Variants in ADAM22 observed in about 807,000 individuals in gnomAD.
The protein encoded by ADAM22 is ADAM metallopeptidase domain 22.
ADAM22 carries 65 observed loss-of-function variants against 144.6 expected under a neutral mutation model. The observed-to-expected ratio is 0.45, with a 90% confidence interval of 0.37 to 0.55. The LOEUF (loss-of-function observed/expected upper bound fraction) is 0.55, where lower values mean the gene tolerates loss of function less well. ADAM22 is among the 20% of genes least tolerant of loss of function. The pLI is 0.00. For missense variants in ADAM22, 974 were observed against 1,184.9 expected (o/e 0.82, Z 2.61); for synonymous variants, 391 against 412.6 (o/e 0.95, Z 0.63).
chr7:88,081,220 A>G (rs1220346299), intron 4 of ADAM22, among the ~76,000 whole-genome samples: 1 of 152,190 alleles, frequency 6.6e-6, no homozygotes, highest in Non-Finnish European at 1.5e-5. Flanking sequence ...CAGCATATAG[A>G]CAGAACCAAA....
chr7:88,129,886 T>C (rs1337136783), intron 9 of ADAM22, among the ~76,000 whole-genome samples: 1 of 152,226 alleles, frequency 6.6e-6, no homozygotes, highest in Non-Finnish European at 1.5e-5. Flanking sequence ...ACCAAAGATA[T>C]ATGTGATCCA....
At chr7:88,058,694 C>G (rs1299386027) in intron 3 of ADAM22, among the ~76,000 whole-genome samples, 1 of 152,100 alleles carries the variant, frequency 6.6e-6, no homozygotes, top group African/African-American at 2.4e-5. Flanking sequence ...CTTCCTTTCA[C>G]CAGTAGTTGG....
intron 4 of ADAM22, among the ~76,000 whole-genome samples, chr7:88,102,932 G>GT (rs1485531997): frequency 1.3e-5 from 2 of 152,140 alleles, no homozygotes; most frequent in East Asian, 1.9e-4. Flanking sequence ...ATTCAGGGAG[G>GT]TTTTCTCTCC....
chr7:87,954,736 G>A (rs1454127007), intron 2 of ADAM22, among the ~76,000 whole-genome samples: 1 of 152,174 alleles, frequency 6.6e-6, no homozygotes, highest in Non-Finnish European at 1.5e-5. Flanking sequence ...CCTGCAGAGT[G>A]TTTTCCAACT....
At chr7:88,017,555 A>G (rs1352489206) in intron 3 of ADAM22, among the ~76,000 whole-genome samples, 1 of 152,132 alleles carries the variant, frequency 6.6e-6, no homozygotes, top group Non-Finnish European at 1.5e-5. Flanking sequence ...GTTTTCACCT[A>G]GGGCTGGCAC....
intron 9 of ADAM22, 77 bp downstream of exon 9, chr7:88,128,753 A>C: frequency 8.5e-7 from 1 of 1,182,052 alleles, no homozygotes; most frequent in South Asian, 1.4e-5. Context: ...TTTAGAAAAA[A>C]CAAGAAGCCC....
intron 3 of ADAM22, among the ~76,000 whole-genome samples, chr7:88,038,556 G>A (rs934395267): frequency 2.0e-5 from 3 of 150,596 alleles, no homozygotes; most frequent in African/African-American, 4.9e-5. Flanking sequence ...CCGGGTTCAC[G>A]CCATTCTCCT....
At chr7:87,943,719 C>T (rs919800305) in intron 2 of ADAM22, among the ~76,000 whole-genome samples, 4 of 152,032 alleles carry the variant, frequency 2.6e-5, no homozygotes, top group East Asian at 1.9e-4. Flanking sequence ...GAAATATCAG[C>T]GGTTCTAACT....
intron 3 of ADAM22, among the ~76,000 whole-genome samples, chr7:88,025,435 G>T (rs1259916822): frequency 6.6e-6 from 1 of 151,834 alleles, no homozygotes; most frequent in Non-Finnish European, 1.5e-5. Context: ...GGTATTACTG[G>T]TATTGCTCAC....
intron 31 of ADAM22, among the ~76,000 whole-genome samples, chr7:88,194,755 C>A (rs959000766): frequency 6.6e-6 from 1 of 152,066 alleles, no homozygotes; most frequent in African/African-American, 2.4e-5. Context: ...TCCCTTTAGC[C>A]CTCCAGACCA....
At chr7:87,982,699 A>ATAC (rs10527361) in intron 3 of ADAM22, among the ~76,000 whole-genome samples, 3 of 62,960 alleles carry the variant, frequency 4.8e-5, no homozygotes, top group African/African-American at 2.3e-4. Flanking sequence ...ATATATATAT[A>ATAC]ATTTTTTTTT....
intron 3 of ADAM22, among the ~76,000 whole-genome samples, chr7:88,053,576 A>G (rs1199673901): frequency 4.1e-5 from 5 of 121,502 alleles, no homozygotes; most frequent in East Asian, 2.9e-4. Flanking sequence ...AGGAAGGAGG[A>G]AAGGAAGGAA....
At chr7:88,025,140 A>G (rs1195430672) in intron 3 of ADAM22, among the ~76,000 whole-genome samples, 2 of 152,170 alleles carry the variant, frequency 1.3e-5, no homozygotes, top group Non-Finnish European at 2.9e-5. Flanking sequence ...GACTTCCACA[A>G]TGGTTGAACT....
intron 4 of ADAM22, 35 bp downstream of exon 4, chr7:88,075,727 T>A (rs1350814128): frequency 6.8e-7 from 1 of 1,473,266 alleles, no homozygotes. Context: ...GGGAAATTTG[T>A]TGAGAATCTT....
intron 3 of ADAM22, among the ~76,000 whole-genome samples, chr7:88,032,400 G>A (rs998262182): frequency 2.8e-4 from 42 of 152,334 alleles, no homozygotes; most frequent in African/African-American, 1.0e-3. Flanking sequence ...TAGCCCCTTG[G>A]TTTTGGCCAA....
intron 26 of ADAM22, among the ~76,000 whole-genome samples, chr7:88,173,860 G>C (rs1844962129): frequency 6.6e-6 from 1 of 152,074 alleles, no homozygotes; most frequent in Admixed American, 6.6e-5. Context: ...ATTAGCATGT[G>C]GTCTTGGAAG....
intron 3 of ADAM22, among the ~76,000 whole-genome samples, chr7:87,981,633 T>C (rs1411722517): frequency 6.6e-6 from 1 of 152,130 alleles, no homozygotes; most frequent in Non-Finnish European, 1.5e-5. Flanking sequence ...CAGTCTTGCC[T>C]TCTCTCATTT....
At chr7:88,072,600 T>G (rs1370106953) in intron 3 of ADAM22, among the ~76,000 whole-genome samples, 2 of 152,214 alleles carry the variant, frequency 1.3e-5, no homozygotes, top group Admixed American at 1.3e-4. Flanking sequence ...GATGTGGGGC[T>G]TTCACTCTGG....
intron 4 of ADAM22, among the ~76,000 whole-genome samples, chr7:88,082,512 C>T (rs1480918297): frequency 6.6e-6 from 1 of 152,116 alleles, no homozygotes; most frequent in African/African-American, 2.4e-5. Context: ...TAAAGAGCTT[C>T]TGCACAGCAA....
Sources: allele counts gnomAD v4.1 joint callset (sites outside exome capture counted in the v4.1 genomes callset), GRCh38; gene constraint gnomAD v4.1.1; transcripts MANE v1.5; gene names NCBI Gene and HGNC (gene_info 2026-07-23, HGNC 2026-07-21).